Variants in RANBP2 observed in about 807,000 individuals in gnomAD.
RANBP2 encodes the protein E3 SUMO-protein ligase RanBP2.
RANBP2 carries 57 observed loss-of-function variants against 303.6 expected under a neutral mutation model. The ratio of observed to expected loss-of-function variants is 0.19; its 90% confidence interval spans 0.15 to 0.23. RANBP2 has a LOEUF of 0.23. Among genes scored for constraint, RANBP2 ranks in the 10% least tolerant of loss-of-function variants. The pLI is 1.00. For missense variants in RANBP2, 3,138 were observed against 3,780.8 expected (o/e 0.83, Z 4.46); for synonymous variants, 1,167 against 1,301.5 (o/e 0.90, Z 2.23).
chr2:108,959,204 G>C, the RANBP2 span, among the ~76,000 whole-genome samples: 1 of 152,260 alleles, frequency 6.6e-6, no homozygotes, highest in Non-Finnish European at 1.5e-5. Context: ...CAAGGCTTCA[G>C]TAAAGCTGAT....
the RANBP2 span, among the ~76,000 whole-genome samples, chr2:109,477,780 C>T: frequency 1.3e-5 from 2 of 152,200 alleles, no homozygotes; most frequent in South Asian, 2.1e-4. Flanking sequence ...ACCGTGTCCT[C>T]ACGTGGTCAA....
At chr2:109,693,095 C>T in the RANBP2 span, among the ~76,000 whole-genome samples, 1 of 152,120 alleles carries the variant, frequency 6.6e-6, no homozygotes, top group African/African-American at 2.4e-5. Context: ...TGATAAGAAA[C>T]ATTTGCAGTC....
the RANBP2 span, chr2:108,931,091 C>T: frequency 6.9e-7 from 1 of 1,458,772 alleles, no homozygotes; most frequent in African/African-American, 1.4e-5. Context: ...GGGGGTCTGG[C>T]TACCTTTATT....
At chr2:109,500,109 G>A in the RANBP2 span, among the ~76,000 whole-genome samples, 5 of 152,166 alleles carry the variant, frequency 3.3e-5, no homozygotes, top group African/African-American at 1.2e-4. Context: ...ACCCACAGTC[G>A]ATTCTTTTGG....
chr2:108,828,145 A>G, the RANBP2 span, among the ~76,000 whole-genome samples: 1 of 152,208 alleles, frequency 6.6e-6, no homozygotes, highest in African/African-American at 2.4e-5. Context: ...GTTCTATACC[A>G]TACTTCTTAA....
the RANBP2 span, among the ~76,000 whole-genome samples, chr2:109,666,694 G>T: frequency 6.6e-6 from 1 of 152,160 alleles, no homozygotes; most frequent in Non-Finnish European, 1.5e-5. Flanking sequence ...CTGCTAATTG[G>T]AGGAAAAACT....
the RANBP2 span, among the ~76,000 whole-genome samples, chr2:108,914,853 A>C: frequency 1.4e-4 from 21 of 152,338 alleles, 1 homozygote; most frequent in South Asian, 4.4e-3. Flanking sequence ...ATGGCCCAGC[A>C]CTGTGCCTGG....
At chr2:109,241,678 C>T in the RANBP2 span, among the ~76,000 whole-genome samples, 1 of 152,092 alleles carries the variant, frequency 6.6e-6, no homozygotes, top group African/African-American at 2.4e-5. Context: ...CGGCAGTTCT[C>T]TCCCCCAGTC....
chr2:109,688,401 C>T, the RANBP2 span, among the ~76,000 whole-genome samples: 11 of 152,276 alleles, frequency 7.2e-5, no homozygotes, highest in East Asian at 1.9e-4. Flanking sequence ...CTCAGGAGCG[C>T]GACCCCTGCA....
the RANBP2 span, among the ~76,000 whole-genome samples, chr2:108,962,879 TG>T: frequency 6.6e-6 from 1 of 152,076 alleles, no homozygotes; most frequent in African/African-American, 2.4e-5. Context: ...TCAATGGTTT[TG>T]TCAAAGATCT....
the RANBP2 span, among the ~76,000 whole-genome samples, chr2:108,971,022 G>A: frequency 1.3e-5 from 2 of 152,134 alleles, no homozygotes; most frequent in South Asian, 4.1e-4. Context: ...GTGGACCTGA[G>A]GGGACAGGGG....
the RANBP2 span, among the ~76,000 whole-genome samples, chr2:109,416,314 G>C: frequency 1.3e-5 from 2 of 152,018 alleles, no homozygotes; most frequent in Non-Finnish European, 2.9e-5. Flanking sequence ...ACATGTCCAG[G>C]CTGGGTGCAG....
the RANBP2 span, among the ~76,000 whole-genome samples, chr2:109,713,138 C>G: frequency 6.6e-6 from 1 of 152,182 alleles, no homozygotes; most frequent in Non-Finnish European, 1.5e-5. Flanking sequence ...CCTGACATTT[C>G]ACATTCAGAC....
the RANBP2 span, among the ~76,000 whole-genome samples, chr2:108,988,296 GGAATCAGAGCCGACT>G: frequency 2.0e-5 from 3 of 152,284 alleles, no homozygotes; most frequent in African/African-American, 4.8e-5. Flanking sequence ...CAGGAGGCTG[GGAATCAGAGCCGACT>G]GAATCAGAGC....
At chr2:109,034,993 C>G in the RANBP2 span, among the ~76,000 whole-genome samples, 4 of 152,170 alleles carry the variant, frequency 2.6e-5, no homozygotes, top group Non-Finnish European at 5.9e-5. Context: ...AGGTCTGACA[C>G]TTGGTGGGGG....
the RANBP2 span, among the ~76,000 whole-genome samples, chr2:109,016,081 G>GTTTGTTTTGT: frequency 6.6e-6 from 1 of 151,444 alleles, no homozygotes; most frequent in Non-Finnish European, 1.5e-5. Flanking sequence ...TGGTTTTTTT[G>GTTTGTTTTGT]TTTGTTTTGT....
the RANBP2 span, among the ~76,000 whole-genome samples, chr2:109,332,109 A>G: frequency 3.9e-5 from 6 of 152,278 alleles, no homozygotes; most frequent in East Asian, 1.2e-3. Context: ...TTTAGCATAG[A>G]CATTGGCCAA....
chr2:109,568,207 A>G, the RANBP2 span, among the ~76,000 whole-genome samples: 1 of 152,074 alleles, frequency 6.6e-6, no homozygotes, highest in Non-Finnish European at 1.5e-5. Context: ...ACACTACAAC[A>G]GCAGAGATGA....
the RANBP2 span, among the ~76,000 whole-genome samples, chr2:109,532,807 C>T: frequency 6.6e-6 from 1 of 152,156 alleles, no homozygotes; most frequent in African/African-American, 2.4e-5. Context: ...TGCAGAATTG[C>T]TGTCATTCTG....
Sources: allele counts gnomAD v4.1 joint callset (sites outside exome capture counted in the v4.1 genomes callset), GRCh38; gene constraint gnomAD v4.1.1; transcripts MANE v1.5; gene names NCBI Gene and HGNC (gene_info 2026-07-23, HGNC 2026-07-21).